The following HTR1F variants were observed in gnomAD, a reference collection of about 807,000 sequenced individuals.
HTR1F encodes 5-hydroxytryptamine receptor 1F.
HTR1F carries 17 observed loss-of-function variants against 24.0 expected under a neutral mutation model. That is an observed-to-expected ratio of 0.71 (90% CI 0.48 to 1.06). HTR1F has a LOEUF of 1.06. Ranked by LOEUF, HTR1F falls within the 50% of genes least tolerant of loss-of-function variation. The pLI is 0.00. For synonymous variants in HTR1F, 186 were observed against 156.8 expected, an observed-to-expected ratio of 1.19 and a Z score of -1.39; for missense variants, 391 against 427.8, an observed-to-expected ratio of 0.91 and a Z score of 0.76.
chr3:87,902,709 T>C (rs1481380707), intron 2 of HTR1F, among the ~76,000 whole-genome samples: 1 of 150,538 alleles, frequency 6.6e-6, no homozygotes, highest in Non-Finnish European at 1.5e-5. Context: ...TAACTCGTCA[T>C]TTAGCATTAG....
chr3:87,884,567 G>A (rs528136928), intron 2 of HTR1F, among the ~76,000 whole-genome samples: 77 of 152,106 alleles, frequency 5.1e-4, no homozygotes, highest in Non-Finnish European at 7.5e-4. Flanking sequence ...ATTGGATAAA[G>A]AGTCAAGACT....
intron 2 of HTR1F, among the ~76,000 whole-genome samples, chr3:87,870,843 C>T (rs1334995949): frequency 6.6e-6 from 1 of 152,034 alleles, no homozygotes; most frequent in Non-Finnish European, 1.5e-5. Context: ...TTTATATGCA[C>T]AATTCCAGAG....
chr3:87,988,491 G>A (rs1417111175), intron 2 of HTR1F, among the ~76,000 whole-genome samples: 1 of 152,162 alleles, frequency 6.6e-6, no homozygotes, highest in Non-Finnish European at 1.5e-5. Flanking sequence ...AACCCAAGCA[G>A]TTACTAAAAA....
chr3:87,991,427 T>C lies in HTR1F; in HGVS notation c.678T>C (p.Asn226=). Residue 226 remains asparagine (N), a synonymous_variant, in exon 3 of 3, where the codon AAT becomes AAC. Coordinates refer to ENST00000319595, the MANE Select transcript of HTR1F (RefSeq NM_001322209.2). The part of the protein sequence containing the change: ...QASRIAKEEV[N]GQVLLESGEK... Reference sequence around the variant, plus strand: ...GTAGGATTGCAAAGGAGGAGGTGAATGGCCAAGTCCTTTTGGAGAGTGGTG... The same window carrying C: ...GTAGGATTGCAAAGGAGGAGGTGAACGGCCAAGTCCTTTTGGAGAGTGGTG... 1 of 1,614,030 alleles carries C rather than the reference T, an allele frequency of 6.2e-7. No individual in the cohort carries two copies. Among genetic ancestry groups the C allele is most frequent in the Non-Finnish European group, 8.5e-7 (1 of 1,179,974 alleles).
At chr3:87,982,401 C>T (rs1396911034) in intron 2 of HTR1F, among the ~76,000 whole-genome samples, 1 of 152,162 alleles carries the variant, frequency 6.6e-6, no homozygotes, top group Non-Finnish European at 1.5e-5. Flanking sequence ...AAGAATTATG[C>T]ATATGACATT....
At chr3:87,831,330 A>AATAATTATT (rs373355862) in intron 2 of HTR1F, among the ~76,000 whole-genome samples, 3 of 142,406 alleles carry the variant, frequency 2.1e-5, no homozygotes, top group East Asian at 2.1e-4. Context: ...GATATTAAGA[A>AATAATTATT]ATTATTATTA....
intron 2 of HTR1F, among the ~76,000 whole-genome samples, chr3:87,913,825 A>C (rs968630779): frequency 6.6e-6 from 1 of 152,160 alleles, no homozygotes; most frequent in Admixed American, 6.5e-5. Context: ...GGAAACTAAC[A>C]CAGGAACAGA....
At chr3:87,840,336 A>C (rs1013465814) in intron 2 of HTR1F, among the ~76,000 whole-genome samples, 2 of 152,164 alleles carry the variant, frequency 1.3e-5, no homozygotes, top group African/African-American at 4.8e-5. Flanking sequence ...AAAATGCTCA[A>C]CTGCAATTAT....
At chr3:87,829,968 T>C (rs1288392304) in intron 2 of HTR1F, among the ~76,000 whole-genome samples, 1 of 152,194 alleles carries the variant, frequency 6.6e-6, no homozygotes, top group Non-Finnish European at 1.5e-5. Flanking sequence ...TTTTTTATCC[T>C]TAAATAGTCT....
At chr3:87,931,112 T>C (rs1315371945) in intron 2 of HTR1F, among the ~76,000 whole-genome samples, 1 of 150,946 alleles carries the variant, frequency 6.6e-6, no homozygotes, top group East Asian at 2.0e-4. Flanking sequence ...GCAGGTTACA[T>C]ATGTATACAT....
At chr3:87,864,891 CAA>C (rs751380551) in intron 2 of HTR1F, among the ~76,000 whole-genome samples, 6 of 78,734 alleles carry the variant, frequency 7.6e-5, no homozygotes, top group Non-Finnish European at 8.4e-5. Flanking sequence ...GACTTCATCT[CAA>C]AAAAAAAAAA....
intron 2 of HTR1F, among the ~76,000 whole-genome samples, chr3:87,945,529 C>T (rs141865077): frequency 1.9e-3 from 291 of 152,270 alleles, no homozygotes; most frequent in African/African-American, 4.9e-3. Context: ...CTTCTGGCTG[C>T]GCCATGATGT....
chr3:87,958,249 A>C (rs185001430), intron 2 of HTR1F, among the ~76,000 whole-genome samples: 1 of 151,616 alleles, frequency 6.6e-6, no homozygotes, highest in African/African-American at 2.4e-5. Flanking sequence ...AAGGTGGAAA[A>C]TTGTGTTGTT....
intron 2 of HTR1F, among the ~76,000 whole-genome samples, chr3:87,950,095 C>T (rs1227693964): frequency 6.6e-6 from 1 of 152,150 alleles, no homozygotes; most frequent in Non-Finnish European, 1.5e-5. Flanking sequence ...AGTCTTCTCT[C>T]CCAGGAACTA....
intron 1 of HTR1F, among the ~76,000 whole-genome samples, chr3:87,807,973 T>C (rs1191782139): frequency 6.6e-6 from 1 of 151,944 alleles, no homozygotes; most frequent in African/African-American, 2.4e-5. Flanking sequence ...ATAAATCCCA[T>C]TTGATAGTGG....
chr3:87,894,746 C>A (rs1469920540), intron 2 of HTR1F, among the ~76,000 whole-genome samples: 5 of 151,900 alleles, frequency 3.3e-5, no homozygotes, highest in East Asian at 1.9e-4. Flanking sequence ...TCTCCTTATA[C>A]CTCAGTTTCC....
In HTR1F at chr3:87,991,116, C is replaced by T. The variant is rs201859991; in HGVS notation, c.367C>T (p.Arg123Ter). 4.3e-6 allele frequency: 7 copies of T among 1,613,972 alleles called. No homozygotes were observed. Among genetic ancestry groups the T allele is most frequent in the African/African-American group, 2.7e-5 (2 of 75,038 alleles). ...CTCAGCTATAGCTTTGGATCGGTAT[C>T]GAGCAATCACAGATGCTGTTGAGTA... ...HLSAIALDRY[R>*]AITDAVEYAR... The change falls in exon 3 of 3, where the codon CGA (arginine) becomes TGA (stop). Residue 123 changes from arginine (R) to a stop codon, truncating the protein, a stop_gained. Transcript: ENST00000319595. LOFTEE classifies it high-confidence loss of function.
rs1311763135 is a variant in HTR1F, at chr3:87,993,244, A to C, written c.*1394A>C. ...TTACATCAATTTTATGTATATATAG[A>C]TCTGTGACAAATTACTCTCAATCTA... On this transcript the variant is annotated 3_prime_UTR_variant, in exon 3 of 3. Transcript: ENST00000319595. The C allele has an allele frequency of 6.0e-6, 1 of 166,706 alleles. No individual in the cohort carries two copies. Among genetic ancestry groups the C allele is most frequent in the Non-Finnish European group, 1.5e-5 (1 of 68,066 alleles). The allele number at this position is 166,706 out of a possible 1,614,324, so 10.3% of individuals were successfully genotyped here.
intron 2 of HTR1F, among the ~76,000 whole-genome samples, chr3:87,981,193 T>C (rs1205348080): frequency 2.0e-5 from 3 of 152,152 alleles, no homozygotes; most frequent in Non-Finnish European, 4.4e-5. Flanking sequence ...TTTTGGGTTT[T>C]TTTGTTTGTT....
Sources: allele counts gnomAD v4.1 joint callset (sites outside exome capture counted in the v4.1 genomes callset), GRCh38; gene constraint gnomAD v4.1.1; transcripts MANE v1.5; gene names NCBI Gene and HGNC (gene_info 2026-07-23, HGNC 2026-07-21).